TIGIT: variants seen among roughly 807,000 people sequenced by gnomAD.
The protein encoded by TIGIT is T cell immunoreceptor with Ig and ITIM domains, also known as T-cell immunoreceptor with Ig and ITIM domains.
A neutral mutation model predicts 19.6 loss-of-function variants in TIGIT; 11 were observed. The ratio of observed to expected loss-of-function variants is 0.56; its 90% CI spans 0.35 to 0.93. TIGIT has a LOEUF of 0.93. Ranked by LOEUF, TIGIT falls within the 40% of genes least tolerant of loss-of-function variation. TIGIT has a pLI of 0.01. For missense variants in TIGIT, 295 were observed against 303.9 expected (o/e 0.97, Z 0.22); for synonymous variants, 130 against 125.5 (o/e 1.04, Z -0.24).
At chr3:114,298,456 C>T (rs367833472) in intron 2 of TIGIT, among the ~76,000 whole-genome samples, 9 of 152,322 alleles carry the variant, frequency 5.9e-5, no homozygotes, top group Admixed American at 2.6e-4. Context: ...CCAGGCCTAA[C>T]CCTGCCTCCA....
intron 3 of TIGIT, among the ~76,000 whole-genome samples, chr3:114,305,865 G>GATAGATAA (rs2078531207): frequency 4.1e-5 from 2 of 48,282 alleles, no homozygotes; most frequent in Non-Finnish European, 1.4e-4. Context: ...TGGATGGATG[G>GATAGATAA]ATAGATAGAT....
chr3:114,296,890 CTTTT>C (rs11289140), intron 2 of TIGIT, among the ~76,000 whole-genome samples: 8 of 112,870 alleles, frequency 7.1e-5, no homozygotes, highest in African/African-American at 1.6e-4. Flanking sequence ...AATGTTACTT[CTTTT>C]TTTTTTTTTT....
At chr3:114,295,985 C>A (rs2107947434) in intron 2 of TIGIT, 111 bp downstream of exon 2, 1 of 873,486 alleles carries the variant, frequency 1.1e-6, no homozygotes, top group Non-Finnish European at 1.7e-6. Flanking sequence ...ATTTGAATCA[C>A]CTGAGGAGAT....
At chr3:114,297,156 A>G (rs1332233425) in intron 2 of TIGIT, among the ~76,000 whole-genome samples, 1 of 152,080 alleles carries the variant, frequency 6.6e-6, no homozygotes, top group Non-Finnish European at 1.5e-5. Flanking sequence ...TCAGCCTCCC[A>G]AAGTGTTACT....
chr3:114,298,273 A>G (rs949537249), intron 2 of TIGIT, among the ~76,000 whole-genome samples: 1 of 152,172 alleles, frequency 6.6e-6, no homozygotes, highest in Non-Finnish European at 1.5e-5. Flanking sequence ...TTTATTTCAA[A>G]CCAAAAATTC....
chr3:114,295,773 C>T lies in TIGIT; in HGVS notation c.290C>T (p.Ser97Leu), dbSNP rs376092576. ...PGPGLGLTLQ[S>L]LTVNDTGEYF... is the part of the protein sequence containing the mutation. ...CCCGGCCTGGGCCTCACCCTCCAGT[C>T]GCTGACCGTGAACGATACAGGGGAG... The change falls in exon 2 of 4, where the codon TCG (serine) becomes TTG (leucine). Residue 97 changes from serine to leucine, a missense_variant. Coordinates refer to ENST00000383671, the MANE Select transcript of TIGIT (RefSeq NM_173799.4). 9.9e-6 allele frequency: 16 copies of T among 1,614,030 alleles called. No individual in the cohort carries two copies. Among genetic ancestry groups the T allele is most frequent in the African/African-American group, 5.3e-5 (4 of 74,922 alleles).
chr3:114,306,245 G>T (rs954357131), intron 3 of TIGIT, among the ~76,000 whole-genome samples: 2 of 152,176 alleles, frequency 1.3e-5, no homozygotes, highest in Non-Finnish European at 2.9e-5. Flanking sequence ...CAGGCCTCCA[G>T]GTGAGTGGAT....
At chr3:114,305,326 T>A (rs2078525787) in intron 3 of TIGIT, among the ~76,000 whole-genome samples, 1 of 152,236 alleles carries the variant, frequency 6.6e-6, no homozygotes, top group Non-Finnish European at 1.5e-5. Context: ...ATCCTGTTCT[T>A]ACAGGCTGCC....
intron 3 of TIGIT, among the ~76,000 whole-genome samples, chr3:114,304,548 C>G (rs531792238): frequency 1.3e-5 from 2 of 152,336 alleles, no homozygotes; most frequent in East Asian, 3.9e-4. Context: ...TGTTCTACCC[C>G]CTACCACAAT....
At chr3:114,295,919 C>A (rs1256016225) in intron 2 of TIGIT, 45 bp downstream of exon 2, 2 of 1,479,046 alleles carry the variant, frequency 1.4e-6, no homozygotes, top group South Asian at 1.3e-5. Context: ...CTCCCTCTAG[C>A]ATAGAAAATG....
chr3:114,304,031 G>A (rs1225350198), intron 3 of TIGIT, among the ~76,000 whole-genome samples: 1 of 151,856 alleles, frequency 6.6e-6, no homozygotes, highest in Non-Finnish European at 1.5e-5. Flanking sequence ...TTTTTCATAT[G>A]TTTGTTGGCC....
Position 114,294,175 on chromosome 3 carries a change from G to A in TIGIT, c.61+53G>A, listed in dbSNP as rs561296660. 9 of 1,444,242 alleles carry A rather than the reference G, an allele frequency of 6.2e-6. 1 individual carries two copies. The South Asian group carries it at 8.9e-5, about 14-fold the overall frequency. The allele number at this position is 1,444,242 out of a possible 1,614,324, so 89.5% of individuals were successfully genotyped here. On this transcript the variant is annotated intron_variant, in intron 1 of 3. Coordinates refer to ENST00000383671, the MANE Select transcript of TIGIT (RefSeq NM_173799.4). ...AGGGAGGAAAAACAAGGCTAAGCTT[G>A]GTTGGAGACTTGGGTGCTTGTGTAG... is the stretch of plus-strand genomic sequence containing the variant.
chr3:114,299,181 T>C (rs567822229), intron 2 of TIGIT, among the ~76,000 whole-genome samples: 1 of 152,366 alleles, frequency 6.6e-6, no homozygotes, highest in South Asian at 2.1e-4. Context: ...ATTTTTGTAA[T>C]TTAATGTTAA....
chr3:114,294,137 C>G lies in TIGIT; in HGVS notation c.61+15C>G. 2 of 1,546,362 alleles carry G rather than the reference C, an allele frequency of 1.3e-6. No homozygotes were observed. Among genetic ancestry groups the G allele is most frequent in the Non-Finnish European group, 1.7e-6 (2 of 1,143,120 alleles). On this transcript the variant is annotated intron_variant, in intron 1 of 3. Coordinates refer to ENST00000383671, the MANE Select transcript of TIGIT (RefSeq NM_173799.4). ...CCTCGCCTCAGGTAAGGCCTGAAAC[C>G]CAGCAGAGCAGCAGGGAGGAAAAAC...
intron 3 of TIGIT, among the ~76,000 whole-genome samples, chr3:114,301,786 G>C (rs548783662): frequency 6.6e-6 from 1 of 152,214 alleles, no homozygotes; most frequent in African/African-American, 2.4e-5. Flanking sequence ...TTCCTGTGTA[G>C]TGTGGGTCCT....
chr3:114,294,185 T>G, intron 1 of TIGIT, 63 bp downstream of exon 1: 1 of 1,369,792 alleles, frequency 7.3e-7, no homozygotes, highest in Non-Finnish European at 1.0e-6. Flanking sequence ...GGTTGGAGAC[T>G]TGGGTGCTTG....
At chr3:114,301,679 G>A (rs1267091100) in intron 3 of TIGIT, among the ~76,000 whole-genome samples, 1 of 152,176 alleles carries the variant, frequency 6.6e-6, no homozygotes, top group Non-Finnish European at 1.5e-5. Context: ...GTCATCTGGA[G>A]GGTAGAGAAA....
At chr3:114,304,501 G>A (rs1355187888) in intron 3 of TIGIT, among the ~76,000 whole-genome samples, 1 of 152,118 alleles carries the variant, frequency 6.6e-6, no homozygotes, top group African/African-American at 2.4e-5. Context: ...AATATTGAGC[G>A]TTCCAATATT....
chr3:114,303,601 A>G (rs1395940887), intron 3 of TIGIT, among the ~76,000 whole-genome samples: 1 of 59,058 alleles, frequency 1.7e-5, no homozygotes, highest in Non-Finnish European at 4.4e-5. Context: ...ATATATGTAT[A>G]TATATATATA....
Sources: allele counts gnomAD v4.1 joint callset (sites outside exome capture counted in the v4.1 genomes callset), GRCh38; gene constraint gnomAD v4.1.1; transcripts MANE v1.5; gene names NCBI Gene and HGNC (gene_info 2026-07-23, HGNC 2026-07-21).